Variants in SNAP91 observed in about 807,000 individuals in gnomAD.
SNAP91 encodes synaptosome associated protein 91, also known as clathrin coat assembly protein AP180.
A neutral mutation model predicts 100.3 loss-of-function variants in SNAP91; 27 were observed. The observed-to-expected ratio is 0.27, with a 90% CI of 0.20 to 0.37. SNAP91 has a LOEUF of 0.37. SNAP91 is among the 10% of genes least tolerant of loss of function. The pLI, the probability that SNAP91 is intolerant of heterozygous loss-of-function variation, is 1.00. For missense variants in SNAP91, 986 were observed against 1,123.7 expected, an observed-to-expected ratio of 0.88 and a Z score of 1.75; for synonymous variants, 404 against 398.6, an observed-to-expected ratio of 1.01 and a Z score of -0.16.
intron 2 of SNAP91, among the ~76,000 whole-genome samples, chr6:83,704,786 T>C (rs1430742572): frequency 6.6e-6 from 1 of 152,146 alleles, no homozygotes; most frequent in Non-Finnish European, 1.5e-5. Flanking sequence ...TAGTAATAAA[T>C]TGAAATTGTT....
intron 26 of SNAP91, among the ~76,000 whole-genome samples, chr6:83,566,521 T>C (rs1378577712): frequency 6.6e-6 from 1 of 152,162 alleles, no homozygotes. Flanking sequence ...AAGGGCTTTA[T>C]TAGCTTTAAA....
chr6:83,644,274 A>G (rs1369779361), intron 7 of SNAP91, among the ~76,000 whole-genome samples: 5 of 152,170 alleles, frequency 3.3e-5, no homozygotes, highest in East Asian at 1.9e-4. Flanking sequence ...TTTAGGACTC[A>G]GCAATAAAAA....
rs1433013313 is a variant in SNAP91 at position 83,592,450 on chromosome 6, C to T, written c.1930+5G>A. 9 of 1,598,970 alleles carry T rather than the reference C, an allele frequency of 5.6e-6. No homozygotes were observed. Among genetic ancestry groups the T allele is most frequent in the Admixed American group, 1.7e-5 (1 of 59,528 alleles). On this transcript the variant is annotated splice_donor_5th_base_variant and intron_variant, in intron 21 of 29. Transcript: ENST00000369694. ...CTTAAGTGTTGATGGAGGAGAAATA[C>T]GCACCCCCAAAAAGGTCTATGACAC...
chr6:83,555,280 T>A (rs1475333638), intron 29 of SNAP91, among the ~76,000 whole-genome samples: 2 of 151,704 alleles, frequency 1.3e-5, no homozygotes, highest in African/African-American at 4.8e-5. Flanking sequence ...GGGAAGGGTT[T>A]TAAGAAATAT....
At chr6:83,617,837 C>T (rs2096562647) in intron 9 of SNAP91, among the ~76,000 whole-genome samples, 1 of 150,986 alleles carries the variant, frequency 6.6e-6, no homozygotes, top group Admixed American at 6.6e-5. Flanking sequence ...GATTTCATTT[C>T]ATCTTTCTCA....
chr6:83,560,929 T>C lies in SNAP91; in HGVS notation c.2461A>G (p.Thr821Ala), dbSNP rs769296005. 1 of 1,610,950 alleles carries C rather than the reference T, an allele frequency of 6.2e-7. No homozygotes were observed. Among genetic ancestry groups the C allele is most frequent in the South Asian group, 1.1e-5 (1 of 90,416 alleles). ...CCGGCAACAGGAGGAACTGAACTGG[T>C]TGGAGGTACAGCTCCTTGCTACACA... is the stretch of plus-strand genomic sequence containing the variant. ...SAPLQGAVPP[T>A]SSVPPVAGAP... Residue 821 changes from threonine to alanine, a missense_variant, in exon 27 of 30, where the codon ACC becomes GCC. Thr to Ala is a moderately conservative substitution (Grantham distance 58). Around this residue, in one of 4 missense-constraint regions of SNAP91, gnomAD observed 575 missense variants for 579.9 expected, o/e 0.99. Transcript: ENST00000369694.
At chr6:83,593,099 A>G (rs2093999594) in intron 19 of SNAP91, 82 bp from the exon 20 acceptor site, 1 of 1,508,940 alleles carries the variant, frequency 6.6e-7, no homozygotes, top group African/African-American at 1.4e-5. Context: ...TAACAAATGC[A>G]TTATCACAGG....
intron 8 of SNAP91, among the ~76,000 whole-genome samples, chr6:83,635,666 C>A (rs548890591): frequency 1.9e-5 from 1 of 52,146 alleles, no homozygotes; most frequent in African/African-American, 1.2e-4. Flanking sequence ...GGTGTTTGTA[C>A]CATTTACATC....
At position 83,561,002 on chromosome 6, in the gene SNAP91, T is replaced by G. The variant is rs191802283; in HGVS notation, c.2443-55A>C. ...AATAACACAAAAACACACAAACACA[T>G]GCACGACAATAAACAAACAAAAAGA... is the stretch of plus-strand genomic sequence containing the variant. On this transcript the variant is annotated intron_variant, in intron 26 of 29. Coordinates refer to ENST00000369694, the MANE Select transcript of SNAP91 (RefSeq NM_001242792.2). The G allele has an allele frequency of 6.0e-4, 675 of 1,131,854 alleles. 4 individuals carry two copies. In the African/African-American group the frequency reaches 9.7e-3, roughly 16 times the overall value. 70.1% of individuals were successfully genotyped at this position (1,131,854 alleles called of 1,614,324 possible).
chr6:83,634,844 G>C (rs935124367), intron 8 of SNAP91, among the ~76,000 whole-genome samples: 1 of 152,078 alleles, frequency 6.6e-6, no homozygotes, highest in African/African-American at 2.4e-5. Context: ...TGTTGTGTCT[G>C]TTTTCATTTG....
At chr6:83,699,981 T>TG (rs1385210329) in intron 2 of SNAP91, among the ~76,000 whole-genome samples, 2 of 152,180 alleles carry the variant, frequency 1.3e-5, no homozygotes, top group Non-Finnish European at 2.9e-5. Flanking sequence ...GATGAAGGAA[T>TG]GGTGAGCAAA....
At chr6:83,574,616 C>T (rs138272394) in intron 26 of SNAP91, among the ~76,000 whole-genome samples, 7 of 152,112 alleles carry the variant, frequency 4.6e-5, no homozygotes, top group Non-Finnish European at 1.0e-4. Context: ...TGATCAATGA[C>T]ATTAAGTGCT....
At chr6:83,635,351 A>G (rs2097390073) in intron 8 of SNAP91, among the ~76,000 whole-genome samples, 1 of 152,144 alleles carries the variant, frequency 6.6e-6, no homozygotes, top group Non-Finnish European at 1.5e-5. Flanking sequence ...TAGGATAGTT[A>G]AGTCTTTTTC....
chr6:83,623,704 AATGC>A (rs1165110570), intron 8 of SNAP91, among the ~76,000 whole-genome samples: 2 of 152,050 alleles, frequency 1.3e-5, no homozygotes, highest in Non-Finnish European at 2.9e-5. Flanking sequence ...CTGGATAGGG[AATGC>A]TCATTTAGTT....
At chr6:83,567,732 A>G (rs1244309241) in intron 26 of SNAP91, among the ~76,000 whole-genome samples, 1 of 152,246 alleles carries the variant, frequency 6.6e-6, no homozygotes, top group Non-Finnish European at 1.5e-5. Flanking sequence ...TGCAGCCAAA[A>G]GACACATGAA....
At chr6:83,690,751 T>C (rs1483251301) in intron 2 of SNAP91, among the ~76,000 whole-genome samples, 1 of 152,048 alleles carries the variant, frequency 6.6e-6, no homozygotes, top group African/African-American at 2.4e-5. Context: ...ATGGGCAGTA[T>C]TAGATTAGCT....
intron 26 of SNAP91, among the ~76,000 whole-genome samples, chr6:83,561,261 T>C (rs1328674788): frequency 6.6e-6 from 1 of 152,138 alleles, no homozygotes; most frequent in African/African-American, 2.4e-5. Context: ...TGTAGGCTGG[T>C]CTCAAGCTCC....
chr6:83,708,225 T>A, intron 1 of SNAP91: 1 of 366,612 alleles, frequency 2.7e-6, no homozygotes, highest in Non-Finnish European at 4.9e-6. Context: ...GGCCCCCACA[T>A]AGGGCCAGAC....
At chr6:83,678,280 G>A (rs1024830429) in intron 2 of SNAP91, among the ~76,000 whole-genome samples, 7 of 151,986 alleles carry the variant, frequency 4.6e-5, no homozygotes, top group African/African-American at 9.7e-5. Context: ...TCCCAACACC[G>A]ATTGACCAGC....
Sources: gnomAD v4.1 joint callset for allele counts (sites outside exome capture counted in the v4.1 genomes callset) on GRCh38, gnomAD v4.1.1 for gene constraint, gnomAD v4.1.1 regional missense constraint, MANE v1.5 for transcripts, NCBI Gene and HGNC (gene_info 2026-07-23, HGNC 2026-07-21) for gene names.